ASTE1: variants seen among roughly 807,000 people sequenced by gnomAD.
ASTE1 encodes the protein single-strand DNA endonuclease ASTE1.
In ASTE1, 49 loss-of-function variants were observed where a neutral mutation model predicts 45.8. The observed-to-expected ratio is 1.07, with a 90% CI of 0.85 to 1.36. ASTE1 has a LOEUF of 1.36. Among genes scored for constraint, ASTE1 ranks in the 40% most tolerant of loss-of-function variants. ASTE1 has a pLI of 0.00. For synonymous variants in ASTE1, 296 were observed against 303.9 expected (o/e 0.97, Z 0.27); for missense variants, 709 against 804.0 (o/e 0.88, Z 1.43).
rs1577114472 is a variant in ASTE1, at chr3:131,025,025, A to G, written c.282T>C (p.Asp94=). ...ISDKKLTTLK[D]RAREKIQMAH... ...CCATCTGGATCTTCTCTCTAGCTCT[A>G]TCCTTTAAAGTTGTAAGCTTTTTAT... The change falls in exon 3 of 6, where the codon GAT becomes GAC. Residue 94 remains aspartate (D), a synonymous_variant. Coordinates refer to ENST00000264992, the MANE Select transcript of ASTE1 (RefSeq NM_014065.4). The G allele has an allele frequency of 9.4e-6, 15 of 1,602,440 alleles. No individual in the cohort carries two copies. Among genetic ancestry groups the G allele is most frequent in the Non-Finnish European group, 1.2e-5 (14 of 1,173,838 alleles).
intron 1 of ASTE1, 82 bp downstream of exon 1, chr3:131,026,425 G>A (rs1045689823): frequency 4.6e-5 from 7 of 152,654 alleles, no homozygotes; most frequent in African/African-American, 1.4e-4. Context: ...TCTGACCTAA[G>A]TCTTCAAACA....
rs760805283 is a variant in ASTE1, at chr3:131,024,350, A to T, written c.957T>A (p.Asp319Glu). Residue 319 changes from aspartate to glutamate, a missense_variant, in exon 3 of 6, where the codon GAT (aspartate) becomes GAA (glutamate). Transcript: ENST00000264992. ...ATTCTGGTAAACCAAGATTCAAGGC[A>T]TCTGGACAGACATAAGTACCACACT... Reference protein sequence around the residue: ...FFQCGTYVCPDALNLGLPEWV... With the variant: ...FFQCGTYVCPEALNLGLPEWV... 3.1e-6 allele frequency: 5 copies of T among 1,614,264 alleles called. No individual in the cohort carries two copies. Among genetic ancestry groups the T allele is most frequent in the Non-Finnish European group, 3.4e-6 (4 of 1,180,046 alleles).
At position 131,018,509 on chromosome 3, in the gene ASTE1, G is replaced by T. The variant is rs1241917128; in HGVS notation, c.1510C>A (p.Pro504Thr). The T allele has an allele frequency of 2.5e-6, 4 of 1,613,202 alleles. No homozygotes were observed. The highest frequency in any genetic ancestry group is 3.4e-6 in the Non-Finnish European group (4 of 1,179,490). Residue 504 changes from proline to threonine, a missense_variant, in exon 4 of 6, where the codon CCT (proline) becomes ACT (threonine). Transcript: ENST00000264992. ...VGPLIAIINS[P>T]GKEELQEDGA... The stretch of plus-strand genomic sequence containing the variant: ...CCTGTAATTTCCAGTTACCTACCAG[G>T]GCTGTTGATTATGGCAATCAAGGGC...
intron 5 of ASTE1, chr3:131,015,167 CAGG>C (rs1262223600): frequency 1.4e-6 from 1 of 700,212 alleles, no homozygotes; most frequent in East Asian, 2.7e-5. Flanking sequence ...TGTTTACTGC[CAGG>C]AGGCTTTTTA....
chr3:131,018,504 A>G lies in ASTE1; in HGVS notation c.1513+2T>C. 6.2e-7 allele frequency: 1 copy of G among 1,613,316 alleles called. No homozygotes were observed. Among genetic ancestry groups the G allele is most frequent in the Non-Finnish European group, 8.5e-7 (1 of 1,179,308 alleles). On this transcript the variant is annotated splice_donor_variant, in intron 4 of 5. Coordinates refer to ENST00000264992, the MANE Select transcript of ASTE1 (RefSeq NM_014065.4). LOFTEE classifies it high-confidence loss of function. ...ATACTCCTGTAATTTCCAGTTACCTACCAGGGCTGTTGATTATGGCAATCA... is the reference window on the plus strand; with the variant it reads ...ATACTCCTGTAATTTCCAGTTACCTGCCAGGGCTGTTGATTATGGCAATCA...
intron 4 of ASTE1, 154 bp from the exon 5 acceptor site, chr3:131,016,493 T>A: frequency 1.3e-6 from 1 of 798,190 alleles, no homozygotes; most frequent in South Asian, 1.8e-5. Flanking sequence ...CCTTGCTGTA[T>A]AAATTGAAAT....
rs772106753 is a variant in ASTE1, at chr3:131,024,872, A to G, written c.435T>C (p.Ile145=). 3.7e-6 allele frequency: 6 copies of G among 1,614,178 alleles called. No individual in the cohort carries two copies. The South Asian group carries it at 6.6e-5, about 18-fold the overall frequency. ...VQCFSEADRD[I]MTLANHWNCP... ...AATTCCAATGGTTAGCAAGTGTCATAATGTCCCGATCTGCTTCTGAAAAGC... is the reference window on the plus strand; with the variant it reads ...AATTCCAATGGTTAGCAAGTGTCATGATGTCCCGATCTGCTTCTGAAAAGC... Residue 145 remains isoleucine, a synonymous_variant, in exon 3 of 6, where the codon ATT becomes ATC. Transcript: ENST00000264992.
intron 3 of ASTE1, among the ~76,000 whole-genome samples, chr3:131,020,809 G>A (rs1275327726): frequency 1.3e-5 from 2 of 152,178 alleles, no homozygotes; most frequent in Non-Finnish European, 2.9e-5. Context: ...ATAGCAGAGC[G>A]CAGAGAATGA....
chr3:131,015,282 GCCCCTCCC>G, intron 5 of ASTE1: 1 of 695,408 alleles, frequency 1.4e-6, no homozygotes, highest in Non-Finnish European at 2.6e-6. Context: ...AAATAGACAA[GCCCCTCCC>G]CCCACAGAGT....
Position 131,024,023 on chromosome 3 carries a change from G to C in ASTE1, c.1284C>G (p.Asp428Glu), listed in dbSNP as rs2063775601. 1.9e-6 allele frequency: 3 copies of C among 1,604,024 alleles called. No homozygotes were observed. The African/African-American group carries it at 4.0e-5, about 22-fold the overall frequency. The change falls in exon 3 of 6, where the codon GAC becomes GAG. Residue 428 changes from aspartate (D) to glutamate (E), a missense_variant. Asp to Glu is a conservative substitution (Grantham distance 45). Transcript: ENST00000264992. ...TACTTACCTCAGTCAATCTGCTTAAGTCAGAATGATCCTTGGCCAGTTCTA... is the reference window on the plus strand; with the variant it reads ...TACTTACCTCAGTCAATCTGCTTAACTCAGAATGATCCTTGGCCAGTTCTA... ...DAVELAKDHS[D>E]LSRLTELSLR... is the part of the protein sequence containing the mutation.
intron 3 of ASTE1, among the ~76,000 whole-genome samples, chr3:131,021,930 G>A (rs953943400): frequency 3.9e-5 from 6 of 152,158 alleles, no homozygotes; most frequent in African/African-American, 1.4e-4. Context: ...AATGTAGCTA[G>A]TTTGAATTTT....
intron 3 of ASTE1, among the ~76,000 whole-genome samples, chr3:131,020,936 T>C (rs1279326680): frequency 6.6e-6 from 1 of 152,118 alleles, no homozygotes; most frequent in East Asian, 1.9e-4. Context: ...GATTTCCATG[T>C]GGGGGGAAAA....
chr3:131,024,067 T>C lies in ASTE1; in HGVS notation c.1240A>G (p.Thr414Ala). The C allele has an allele frequency of 6.2e-7, 1 of 1,614,000 alleles. No homozygotes were observed. Among genetic ancestry groups the C allele is most frequent in the Non-Finnish European group, 8.5e-7 (1 of 1,179,858 alleles). The change falls in exon 3 of 6, where the codon ACC (threonine) becomes GCC (alanine). Residue 414 changes from threonine (T) to alanine (A), a missense_variant. Thr to Ala is a moderately conservative substitution (Grantham distance 58). Transcript: ENST00000264992. ...EVERINKNIR[T>A]SIIDAVELAK... ...AGTTCTACTGCATCAATGATTGAGG[T>C]TCTGATATTTTTATTAATCCTTTCC...
intron 5 of ASTE1, 152 bp downstream of exon 5, chr3:131,015,992 G>T: frequency 1.1e-6 from 1 of 947,446 alleles, no homozygotes; most frequent in Non-Finnish European, 1.6e-6. Context: ...CTCTTCAGCT[G>T]TAACAGTGAC....
chr3:131,024,486 T>G lies in ASTE1; in HGVS notation c.821A>C (p.Asp274Ala). 6.2e-7 allele frequency: 1 copy of G among 1,614,160 alleles called. No individual in the cohort carries two copies. The highest frequency in any genetic ancestry group is 8.5e-7 in the Non-Finnish European group (1 of 1,180,022). Residue 274 changes from aspartate to alanine, a missense_variant, in exon 3 of 6, where the codon GAT becomes GCT. Physicochemically the swap from Asp to Ala is moderately radical, Grantham distance 126. Transcript: ENST00000264992. The stretch of plus-strand genomic sequence containing the variant: ...TTTTGGGAGGTATTTCAGAACATTA[T>G]CTAGTGCTTCGGTAGGGTTGGCAAA... ...SHFANPTEAL[D>A]NVLKYLPKKD...
intron 3 of ASTE1, among the ~76,000 whole-genome samples, chr3:131,020,990 C>A (rs1003840049): frequency 5.3e-5 from 8 of 152,132 alleles, no homozygotes; most frequent in Admixed American, 2.0e-4. Flanking sequence ...CCACAAAAAA[C>A]CAATTCTAGA....
intron 2 of ASTE1, 42 bp from the exon 3 acceptor site, chr3:131,025,373 A>G: frequency 6.5e-7 from 1 of 1,543,280 alleles, no homozygotes; most frequent in East Asian, 2.3e-5. Flanking sequence ...GATGCTAGTT[A>G]TGGGGCACCA....
chr3:131,021,437 G>A (rs895420712), intron 3 of ASTE1, among the ~76,000 whole-genome samples: 1 of 152,216 alleles, frequency 6.6e-6, no homozygotes, highest in Non-Finnish European at 1.5e-5. Flanking sequence ...TGAATCTCAT[G>A]TGGAATAAAA....
chr3:131,016,000 G>T, intron 5 of ASTE1, 144 bp downstream of exon 5: 1 of 1,007,736 alleles, frequency 9.9e-7, no homozygotes. Context: ...CTGTAACAGT[G>T]ACTCAAAATC....
Sources: allele counts gnomAD v4.1 joint callset (sites outside exome capture counted in the v4.1 genomes callset), GRCh38; gene constraint gnomAD v4.1.1; transcripts MANE v1.5; gene names NCBI Gene and HGNC (gene_info 2026-07-23, HGNC 2026-07-21).